Variants in TNRC6A observed in about 807,000 individuals in gnomAD.
TNRC6A encodes the protein trinucleotide repeat containing adaptor 6A.
In TNRC6A, 44 loss-of-function variants were observed where a neutral mutation model predicts 221.2. The ratio of observed to expected loss-of-function variants is 0.20; its 90% CI spans 0.16 to 0.26. The LOEUF (loss-of-function observed/expected upper bound fraction) is 0.26, where lower values mean the gene tolerates loss of function less well. TNRC6A is among the 10% of genes least tolerant of loss of function. TNRC6A has a pLI of 1.00. For missense variants in TNRC6A, 2,199 were observed against 2,404.4 expected (o/e 0.91, Z 1.79); for synonymous variants, 847 against 838.5 (o/e 1.01, Z -0.18).
At chr16:24,686,983 G>C (rs1404451170) in intron 2 of TNRC6A, among the ~76,000 whole-genome samples, 1 of 152,164 alleles carries the variant, frequency 6.6e-6, no homozygotes, top group African/African-American at 2.4e-5. Context: ...CTGTGTCCTT[G>C]GGCAAGTTAC....
chr16:24,661,534 C>T (rs1001062119), intron 2 of TNRC6A: 1 of 152,530 alleles, frequency 6.6e-6, no homozygotes, highest in African/African-American at 2.4e-5. Context: ...CTGCCTCAGC[C>T]TCCCGAGTAG....
At chr16:24,745,516 T>G (rs1487493643) in intron 2 of TNRC6A, among the ~76,000 whole-genome samples, 1 of 152,176 alleles carries the variant, frequency 6.6e-6, no homozygotes, top group Non-Finnish European at 1.5e-5. Flanking sequence ...ATTTCTAGCT[T>G]GTAACATACA....
chr16:24,771,101 G>GC (rs2057580939), intron 4 of TNRC6A, among the ~76,000 whole-genome samples: 1 of 152,142 alleles, frequency 6.6e-6, no homozygotes, highest in Non-Finnish European at 1.5e-5. Flanking sequence ...GTTAAACAGT[G>GC]CCATGCTTCT....
At chr16:24,750,883 A>G (rs1342648986) in intron 3 of TNRC6A, 70 bp downstream of exon 3, 1 of 1,284,046 alleles carries the variant, frequency 7.8e-7, no homozygotes, top group African/African-American at 1.5e-5. Flanking sequence ...ACTCTTACAG[A>G]TTTTGAAGGC....
At chr16:24,698,010 A>C (rs1367695416) in intron 2 of TNRC6A, among the ~76,000 whole-genome samples, 4 of 141,948 alleles carry the variant, frequency 2.8e-5, no homozygotes, top group African/African-American at 1.0e-4. Context: ...TGACACAGTG[A>C]GGCTCTGTCT....
intron 9 of TNRC6A, among the ~76,000 whole-genome samples, chr16:24,796,778 C>A (rs1291338124): frequency 1.3e-5 from 2 of 152,102 alleles, no homozygotes; most frequent in East Asian, 3.9e-4. Flanking sequence ...TGAGAATGGT[C>A]CAGTGAGACC....
intron 1 of TNRC6A, chr16:24,640,855 T>G (rs1736221162): frequency 6.6e-6 from 1 of 152,222 alleles, no homozygotes; most frequent in Non-Finnish European, 1.5e-5. Context: ...GGAGAATCAC[T>G]AATCTAATGC....
At position 24,804,766 on chromosome 16, in the gene TNRC6A, T is replaced by C; in HGVS notation, c.3899T>C (p.Leu1300Pro). 1 of 1,609,170 alleles carries C rather than the reference T, an allele frequency of 6.2e-7. No homozygotes were observed. Among genetic ancestry groups the C allele is most frequent in the Non-Finnish European group, 8.5e-7 (1 of 1,179,052 alleles). ...TTTATGTCCAGTCAAAGCATGAAGC[T>C]TCCCCCTTCAAATAGTGCACTACCT... is the stretch of plus-strand genomic sequence containing the variant. ...MQFMSSQSMK[L>P]PPSNSALPNQ... is the part of the protein sequence containing the mutation. Residue 1300 changes from leucine (L) to proline (P), a missense_variant, in exon 13 of 25, where the codon CTT (leucine) becomes CCT (proline). Transcript: ENST00000395799.
rs2152131030 is a variant in TNRC6A at position 24,826,033 on chromosome 16, G to A, written c.*2226G>A. 6.5e-6 allele frequency: 1 copy of A among 152,724 alleles called. No homozygotes were observed. Among genetic ancestry groups the A allele is most frequent in the East Asian group, 1.9e-4 (1 of 5,190 alleles). The allele number at this position is 152,724 out of a possible 1,614,324, so 9.5% of individuals were successfully genotyped here. On this transcript the variant is annotated 3_prime_UTR_variant, in exon 25 of 25. Transcript: ENST00000395799. ...TCAATGTATATTGACTTCCATACTG[G>A]TTTTTCCAAAAACCAAAGGTAGCTT...
chr16:24,672,781 G>GA (rs140739345), intron 2 of TNRC6A, among the ~76,000 whole-genome samples: 4,128 of 151,854 alleles, frequency 0.027, 76 homozygotes, highest in Non-Finnish European at 0.043. Context: ...GAAGTATTTA[G>GA]AGAAGTGTCA....
intron 4 of TNRC6A, among the ~76,000 whole-genome samples, chr16:24,770,232 T>A (rs1015888489): frequency 2.4e-4 from 36 of 152,308 alleles, no homozygotes; most frequent in African/African-American, 8.4e-4. Context: ...TAGAAGAGAA[T>A]GCAGTGAGTG....
chr16:24,619,836 AT>A (rs1160545197), intron 1 of TNRC6A, among the ~76,000 whole-genome samples: 1 of 152,036 alleles, frequency 6.6e-6, no homozygotes, highest in Non-Finnish European at 1.5e-5. Flanking sequence ...GAATCATGGT[AT>A]GGACATTCAG....
chr16:24,818,718 T>A lies in TNRC6A; in HGVS notation c.5080+18T>A. ...CACTTCAGGTGGGCCTCGCCTTCGC[T>A]CAGGAAGGGAGGGTTGGTCACAGCC... On this transcript the variant is annotated intron_variant, in intron 21 of 24. Coordinates refer to ENST00000395799, the MANE Select transcript of TNRC6A (RefSeq NM_014494.4). 5 of 1,593,850 alleles carry A rather than the reference T, an allele frequency of 3.1e-6. No homozygotes were observed. Among genetic ancestry groups the A allele is most frequent in the Non-Finnish European group, 4.3e-6 (5 of 1,161,504 alleles).
At chr16:24,770,579 A>G (rs2057569975) in intron 4 of TNRC6A, among the ~76,000 whole-genome samples, 1 of 152,158 alleles carries the variant, frequency 6.6e-6, no homozygotes, top group African/African-American at 2.4e-5. Flanking sequence ...TTCCTGCTTG[A>G]GTAACTACAT....
chr16:24,618,213 G>A (rs189807849), intron 1 of TNRC6A, among the ~76,000 whole-genome samples: 61 of 152,200 alleles, frequency 4.0e-4, no homozygotes, highest in East Asian at 2.5e-3. Context: ...GAGCCACTGC[G>A]CCCAGCCCAT....
chr16:24,783,430 A>T (rs2057896815), intron 5 of TNRC6A, among the ~76,000 whole-genome samples: 1 of 151,968 alleles, frequency 6.6e-6, no homozygotes, highest in Admixed American at 6.6e-5. Context: ...CGCCCAGCTG[A>T]TGCTGTTTTT....
At chr16:24,663,645 G>T (rs987757617) in intron 2 of TNRC6A, 9 of 261,228 alleles carry the variant, frequency 3.4e-5, no homozygotes, top group Non-Finnish European at 6.2e-5. Context: ...TACCCTCCTA[G>T]ATAGTCATAT....
intron 5 of TNRC6A, among the ~76,000 whole-genome samples, chr16:24,787,601 A>T (rs1186604657): frequency 6.6e-6 from 1 of 152,212 alleles, no homozygotes; most frequent in African/African-American, 2.4e-5. Context: ...ATGGGCACTG[A>T]AAGATGGCAA....
intron 1 of TNRC6A, among the ~76,000 whole-genome samples, chr16:24,612,115 ATAAAG>A (rs1301210720): frequency 2.6e-5 from 4 of 152,280 alleles, no homozygotes; most frequent in South Asian, 2.1e-4. Context: ...ATGAAATAAA[ATAAAG>A]TAAAGTAAAA....
Sources: allele counts gnomAD v4.1 joint callset (sites outside exome capture counted in the v4.1 genomes callset), GRCh38; gene constraint gnomAD v4.1.1; transcripts MANE v1.5; gene names NCBI Gene and HGNC (gene_info 2026-07-23, HGNC 2026-07-21).